Variants in FUBP1 observed in about 807,000 individuals in gnomAD.
FUBP1 encodes far upstream element binding protein 1, also known as far upstream element-binding protein 1.
FUBP1 carries 16 observed loss-of-function variants against 94.9 expected under a neutral mutation model. That is an observed-to-expected ratio of 0.17 (90% CI 0.11 to 0.26). The LOEUF (loss-of-function observed/expected upper bound fraction) is 0.26. Among genes scored for constraint, FUBP1 ranks in the 10% least tolerant of loss-of-function variants. The pLI is 1.00. For synonymous variants in FUBP1, 279 were observed against 254.9 expected, an observed-to-expected ratio of 1.09 and a Z score of -0.90; for missense variants, 583 against 808.6, an observed-to-expected ratio of 0.72 and a Z score of 3.38.
chr1:77,965,714 A>G (rs1033049125), intron 7 of FUBP1, among the ~76,000 whole-genome samples: 25 of 152,240 alleles, frequency 1.6e-4, no homozygotes, highest in African/African-American at 6.0e-4. Flanking sequence ...ATAAGTAAAA[A>G]TAACATGTCA....
rs1166548669 is a variant in FUBP1 at position 77,945,413 on chromosome 1, G to A, written c.*3353C>T. On this transcript the variant is annotated 3_prime_UTR_variant, in exon 20 of 20. Transcript: ENST00000370768. Reference sequence around the variant, plus strand: ...GATCAAGTGAATAGCACTTTAAAATGAAAAGTGATCAAAAGCAGGTACATT... The same window carrying A: ...GATCAAGTGAATAGCACTTTAAAATAAAAAGTGATCAAAAGCAGGTACATT... The A allele has an allele frequency of 4.7e-6, 1 of 212,078 alleles. No homozygotes were observed. Among genetic ancestry groups the A allele is most frequent in the African/African-American group, 2.3e-5 (1 of 44,190 alleles). 13.1% of individuals were successfully genotyped at this position (212,078 alleles called of 1,614,324 possible). A position where few individuals can be genotyped will look rare whatever the true frequency, so the allele number is the denominator to read the frequency against.
chr1:77,952,549 T>C (rs1015717989), intron 18 of FUBP1, among the ~76,000 whole-genome samples: 1 of 152,202 alleles, frequency 6.6e-6, no homozygotes. Context: ...ATCATACCCC[T>C]GCCACTGGAA....
chr1:77,978,816 T>TAGCGGCCTACTCAGTC, intron 1 of FUBP1, 69 bp downstream of exon 1: 2 of 1,586,114 alleles, frequency 1.3e-6, no homozygotes, highest in Non-Finnish European at 1.7e-6. Flanking sequence ...CGCTTAAGGG[T>TAGCGGCCTACTCAGTC]AGCGGCCTAC....
chr1:77,969,730 T>G (rs1231456859), intron 2 of FUBP1, among the ~76,000 whole-genome samples, 195 bp downstream of exon 2: 1 of 152,068 alleles, frequency 6.6e-6, no homozygotes, highest in Non-Finnish European at 1.5e-5. Context: ...TTTAAAAAAT[T>G]TTTTAAAAAA....
chr1:77,958,127 C>A (rs186576480), intron 16 of FUBP1, among the ~76,000 whole-genome samples: 2 of 152,246 alleles, frequency 1.3e-5, no homozygotes, highest in East Asian at 3.9e-4. Flanking sequence ...CTAGGTATTT[C>A]ACTTTACACT....
chr1:77,959,970 T>C (rs897305115), intron 16 of FUBP1, among the ~76,000 whole-genome samples: 1 of 152,226 alleles, frequency 6.6e-6, no homozygotes, highest in African/African-American at 2.4e-5. Context: ...TATCAACTCA[T>C]AAGCCAAAGG....
At position 77,964,356 on chromosome 1, in the gene FUBP1, C is replaced by T. The variant is rs1656075473; in HGVS notation, c.838G>A (p.Val280Ile). ...SRIGGNEGID[V>I]PIPRFAVGIV... ...CCAACAGCAAATCTTGGAATGGGGA[C>T]CTTATGTAAAAAAGACTAAGTATTA... Residue 280 changes from valine to isoleucine, a missense_variant and splice_region_variant, in exon 11 of 20, where the codon GTC (valine) becomes ATC (isoleucine). Transcript: ENST00000370768. 6.4e-7 allele frequency: 1 copy of T among 1,560,846 alleles called. No homozygotes were observed. The highest frequency in any genetic ancestry group is 1.3e-5 in the African/African-American group (1 of 74,154).
At chr1:77,956,055 A>T (rs1047722274) in intron 17 of FUBP1, among the ~76,000 whole-genome samples, 7 of 152,230 alleles carry the variant, frequency 4.6e-5, no homozygotes, top group Admixed American at 6.5e-5. Context: ...TCTGATTATC[A>T]AAATTATAAA....
intron 7 of FUBP1, among the ~76,000 whole-genome samples, chr1:77,965,813 C>G (rs370197125): frequency 1.6e-3 from 237 of 152,284 alleles, no homozygotes; most frequent in African/African-American, 5.5e-3. Context: ...CTTTGGGAGG[C>G]CGAGGTGGGT....
intron 16 of FUBP1, among the ~76,000 whole-genome samples, chr1:77,957,287 C>T (rs1000044642): frequency 6.6e-6 from 1 of 152,182 alleles, no homozygotes; most frequent in African/African-American, 2.4e-5. Flanking sequence ...AGCTTAAGTA[C>T]AGCCTATCAT....
Position 77,960,456 on chromosome 1 carries a change from G to A in FUBP1, c.1384C>T (p.Pro462Ser), listed in dbSNP as rs1447096782. 6.3e-7 allele frequency: 1 copy of A among 1,593,982 alleles called. No homozygotes were observed. The highest frequency in any genetic ancestry group is 8.5e-7 in the Non-Finnish European group (1 of 1,173,976). Residue 462 changes from proline to serine, a missense_variant, in exon 15 of 20, where the codon CCC (proline) becomes TCC (serine). Transcript: ENST00000370768. ...NPLGPPVPHG[P>S]HGVPGPHGPP... ...CCATGGGGGCCTGGGACACCATGGG[G>A]CCCATGGGGTACAGGTGGCCCTAAA...
intron 16 of FUBP1, among the ~76,000 whole-genome samples, chr1:77,959,336 A>G (rs1488139980): frequency 3.3e-5 from 5 of 152,172 alleles, no homozygotes; most frequent in Admixed American, 2.0e-4. Context: ...ATATAATAGG[A>G]TAAAAATAAA....
chr1:77,963,019 T>C (rs1655798076), intron 13 of FUBP1, 89 bp from the exon 14 acceptor site: 2 of 783,134 alleles, frequency 2.6e-6, no homozygotes, highest in Admixed American at 2.5e-5. Context: ...AAATGGGCCA[T>C]TAAAAATATG....
chr1:77,972,055 T>C (rs1213165763), intron 1 of FUBP1, among the ~76,000 whole-genome samples: 1 of 151,930 alleles, frequency 6.6e-6, no homozygotes, highest in Admixed American at 6.6e-5. Flanking sequence ...AATCTAACCT[T>C]CTTTAACCAT....
At chr1:77,965,732 A>G (rs976035965) in intron 7 of FUBP1, among the ~76,000 whole-genome samples, 1 of 152,228 alleles carries the variant, frequency 6.6e-6, no homozygotes, top group African/African-American at 2.4e-5. Flanking sequence ...TCAAATGAAT[A>G]ACACATTATT....
rs551027870 is a variant in FUBP1 at position 77,950,014 on chromosome 1, C to A, written c.1781-714G>T. ...TCTTTTTCCAAATAAGGTGACTTTGCTGAATTAAGAGATTAAAGAAATATA... is the reference window on the plus strand; with the variant it reads ...TCTTTTTCCAAATAAGGTGACTTTGATGAATTAAGAGATTAAAGAAATATA... On this transcript the variant is annotated intron_variant, in intron 18 of 19. Coordinates refer to ENST00000370768, the MANE Select transcript of FUBP1 (RefSeq NM_003902.5). 2.0e-5 allele frequency among the ~76,000 whole-genome samples: 3 copies of A among 152,264 alleles called. No individual in the cohort carries two copies. In the East Asian group the frequency reaches 5.8e-4, roughly 29 times the overall value.
intron 16 of FUBP1, among the ~76,000 whole-genome samples, chr1:77,959,499 C>T (rs995679183): frequency 2.0e-5 from 3 of 152,086 alleles, no homozygotes; most frequent in Non-Finnish European, 2.9e-5. Context: ...CAATACTTAA[C>T]ACTCTGTTGG....
chr1:77,973,112 G>A (rs1242300937), intron 1 of FUBP1, among the ~76,000 whole-genome samples: 1 of 151,904 alleles, frequency 6.6e-6, no homozygotes, highest in Non-Finnish European at 1.5e-5. Flanking sequence ...TACAAGGATA[G>A]TTAATTTAAG....
At chr1:77,970,823 T>C (rs145563304) in intron 1 of FUBP1, among the ~76,000 whole-genome samples, 244 of 152,246 alleles carry the variant, frequency 1.6e-3, no homozygotes, top group African/African-American at 5.4e-3. Flanking sequence ...GGTGGGTAGA[T>C]TGCTTGAGCT....
Sources: allele counts gnomAD v4.1 joint callset (sites outside exome capture counted in the v4.1 genomes callset), GRCh38; gene constraint gnomAD v4.1.1; transcripts MANE v1.5; gene names NCBI Gene and HGNC (gene_info 2026-07-23, HGNC 2026-07-21).